The following LRMDA variants were observed in gnomAD, a reference collection of about 807,000 sequenced individuals.
The protein encoded by LRMDA is leucine rich melanocyte differentiation associated.
LRMDA carries 18 observed loss-of-function variants against 29.8 expected under a neutral mutation model. The observed-to-expected ratio is 0.60, with a 90% CI of 0.42 to 0.90. The LOEUF is 0.90. Among genes scored for constraint, LRMDA ranks in the 40% least tolerant of loss-of-function variants. The probability of loss-of-function intolerance (pLI) is 0.00; values close to 1 mark genes in which losing one functional copy is unlikely to be tolerated. For synonymous variants in LRMDA, 125 were observed against 109.4 expected, an observed-to-expected ratio of 1.14 and a Z score of -0.89; for missense variants, 273 against 273.9, an observed-to-expected ratio of 1.00 and a Z score of 0.02.
intron 2 of LRMDA, among the ~76,000 whole-genome samples, chr10:75,884,285 G>A (rs2132346973): frequency 6.6e-6 from 1 of 151,498 alleles, no homozygotes; most frequent in East Asian, 1.9e-4. Context: ...GTGTGTGTGT[G>A]TGTGTGTAGG....
intron 2 of LRMDA, among the ~76,000 whole-genome samples, chr10:75,500,652 TA>T (rs1845101681): frequency 6.6e-6 from 1 of 152,148 alleles, no homozygotes; most frequent in Non-Finnish European, 1.5e-5. Context: ...TCTGCATGGC[TA>T]GGGAGGCCTC....
rs79404691 is a variant in LRMDA, at chr10:76,305,767, A to G, written c.517-18634A>G. On this transcript the variant is annotated intron_variant, in intron 5 of 6. Transcript: ENST00000611255. ...GAATCTCTCAAGGAAATAGCTTCAC[A>G]CATATGTATACGTTTAGATGAATGA... 6.7e-3 allele frequency among the ~76,000 whole-genome samples: 1,027 copies of G among 152,300 alleles called. 20 individuals are homozygous for G. Among genetic ancestry groups the G allele is most frequent in the African/African-American group, 0.023 (935 of 41,550 alleles).
At chr10:75,543,162 A>G (rs1420285229) in intron 2 of LRMDA, among the ~76,000 whole-genome samples, 1 of 152,226 alleles carries the variant, frequency 6.6e-6, no homozygotes, top group Non-Finnish European at 1.5e-5. Flanking sequence ...TGGCCATGCC[A>G]GAGCAACCCA....
rs535509590 is a variant in LRMDA at position 75,874,554 on chromosome 10, C to T, written c.132-161454C>T. ...CCAACATGGAGTAGTGACCCTACTT[C>T]GTGAATGAGGAAACTGAGGCCCAAG... On this transcript the variant is annotated intron_variant, in intron 2 of 6. Coordinates refer to ENST00000611255, the MANE Select transcript of LRMDA (RefSeq NM_001305581.2). Among the ~76,000 whole-genome samples, 31 of 152,268 alleles carry T rather than the reference C, an allele frequency of 2.0e-4. No homozygotes were observed. The East Asian group carries it at 3.9e-3, about 19-fold the overall frequency.
intron 6 of LRMDA, among the ~76,000 whole-genome samples, chr10:76,513,193 T>C (rs1408957105): frequency 6.6e-6 from 1 of 152,208 alleles, no homozygotes; most frequent in East Asian, 1.9e-4. Context: ...AACTGTAATT[T>C]GAGCCACAGA....
Position 75,467,956 on chromosome 10 carries a change from T to TCACACACACACA in LRMDA, c.131+29495_131+29506dup, listed in dbSNP as rs61295526. On this transcript the variant is annotated intron_variant, in intron 2 of 6. Transcript: ENST00000611255. ...AGCCTGGTGACAGAGTGAGACTCCG[T>TCACACACACACA]CACACACACACACACACACACACAC... 3.9e-3 allele frequency among the ~76,000 whole-genome samples: 513 copies of TCACACACACACA among 130,038 alleles called. 3 individuals are homozygous for TCACACACACACA. Among genetic ancestry groups the TCACACACACACA allele is most frequent in the African/African-American group, 6.7e-3 (224 of 33,364 alleles). 85.3% of individuals were successfully genotyped at this position (130,038 alleles called of 152,430 possible).
intron 3 of LRMDA, among the ~76,000 whole-genome samples, chr10:76,040,247 G>A (rs997736754): frequency 5.3e-5 from 8 of 152,108 alleles, no homozygotes; most frequent in African/African-American, 1.9e-4. Flanking sequence ...GCTCCCAGCT[G>A]GGGCTGCTGG....
At chr10:76,218,601 G>A (rs970603587) in intron 5 of LRMDA, among the ~76,000 whole-genome samples, 6 of 152,166 alleles carry the variant, frequency 3.9e-5, no homozygotes, top group Non-Finnish European at 8.8e-5. Context: ...TTTGAGTCAG[G>A]CAAGTATGCA....
intron 5 of LRMDA, among the ~76,000 whole-genome samples, chr10:76,146,802 A>C (rs1051601146): frequency 6.6e-6 from 1 of 152,144 alleles, no homozygotes; most frequent in Non-Finnish European, 1.5e-5. Context: ...ACAATTTGGC[A>C]TGTTTTTGCA....
intron 6 of LRMDA, chr10:76,535,963 G>A (rs1297822891): frequency 1.3e-5 from 2 of 152,168 alleles, no homozygotes; most frequent in African/African-American, 4.8e-5. Flanking sequence ...TTTTAGTAAA[G>A]ATGGAGTTTC....
chr10:76,113,675 CA>C (rs1849617310), intron 5 of LRMDA, among the ~76,000 whole-genome samples: 1 of 152,136 alleles, frequency 6.6e-6, no homozygotes, highest in Non-Finnish European at 1.5e-5. Flanking sequence ...AAAAGCCACA[CA>C]AGGCAGTGGG....
intron 5 of LRMDA, among the ~76,000 whole-genome samples, chr10:76,167,158 G>GT (rs1331921653): frequency 3.3e-5 from 5 of 152,034 alleles, no homozygotes; most frequent in Admixed American, 1.3e-4. Context: ...AGGGTTGTTT[G>GT]TTTTTTTCTT....
At chr10:76,126,421 G>C (rs762443859) in intron 5 of LRMDA, among the ~76,000 whole-genome samples, 1 of 152,196 alleles carries the variant, frequency 6.6e-6, no homozygotes, top group Non-Finnish European at 1.5e-5. Context: ...TCAGTGCCCT[G>C]TGGTATAACC....
intron 5 of LRMDA, among the ~76,000 whole-genome samples, chr10:76,216,081 T>A (rs1193888920): frequency 6.6e-6 from 1 of 152,220 alleles, no homozygotes; most frequent in African/African-American, 2.4e-5. Flanking sequence ...GGGCCAAATG[T>A]GGTGGCTCAT....
intron 5 of LRMDA, among the ~76,000 whole-genome samples, chr10:76,242,872 G>T (rs1852303004): frequency 6.6e-6 from 1 of 152,234 alleles, no homozygotes; most frequent in Non-Finnish European, 1.5e-5. Context: ...CACATTTCTT[G>T]CATTTTACTG....
At chr10:76,144,363 T>G (rs1233985410) in intron 5 of LRMDA, among the ~76,000 whole-genome samples, 2 of 152,198 alleles carry the variant, frequency 1.3e-5, no homozygotes, top group African/African-American at 4.8e-5. Flanking sequence ...CCTCTTTTAT[T>G]TCCTTGAGCA....
chr10:76,216,820 C>A (rs58237837), intron 5 of LRMDA, among the ~76,000 whole-genome samples: 1 of 152,066 alleles, frequency 6.6e-6, no homozygotes, highest in Admixed American at 6.5e-5. Context: ...TTCGATAGGA[C>A]GCATGTAAAG....
intron 2 of LRMDA, among the ~76,000 whole-genome samples, chr10:75,936,588 A>G (rs565794901): frequency 2.0e-5 from 3 of 152,272 alleles, no homozygotes; most frequent in Admixed American, 1.3e-4. Context: ...GTTGGTTATA[A>G]ACAGCAGATA....
intron 2 of LRMDA, among the ~76,000 whole-genome samples, chr10:75,851,457 C>T (rs1325030922): frequency 6.6e-6 from 1 of 152,106 alleles, no homozygotes; most frequent in East Asian, 1.9e-4. Flanking sequence ...TTGCAATACC[C>T]CTGATAAAAC....
Sources: allele counts gnomAD v4.1 joint callset (sites outside exome capture counted in the v4.1 genomes callset), GRCh38; gene constraint gnomAD v4.1.1; transcripts MANE v1.5; gene names NCBI Gene and HGNC (gene_info 2026-07-23, HGNC 2026-07-21).